Variants in SLC35A3 observed in about 807,000 individuals in gnomAD.
SLC35A3 encodes solute carrier family 35 member A3.
A neutral mutation model predicts 39.0 loss-of-function variants in SLC35A3; 26 were observed. That is an observed-to-expected ratio of 0.67 (90% CI 0.49 to 0.92). The LOEUF (loss-of-function observed/expected upper bound fraction) is 0.92, where lower values mean the gene tolerates loss of function less well. Among genes scored for constraint, SLC35A3 ranks in the 40% least tolerant of loss-of-function variants. The pLI, the probability that SLC35A3 is intolerant of heterozygous loss-of-function variation, is 0.00. For synonymous variants in SLC35A3, 135 were observed against 133.1 expected (o/e 1.01, Z -0.10); for missense variants, 299 against 371.6 (o/e 0.80, Z 1.61).
chr1:100,027,442 T>A lies in SLC35A3; in HGVS notation c.*4966T>A, dbSNP rs1351979974. On this transcript the variant is annotated 3_prime_UTR_variant, in exon 8 of 8. Transcript: ENST00000533028. The stretch of plus-strand genomic sequence containing the variant: ...ACTCTAGCCTGAGTGACAGTGAGAC[T>A]CTGTCTCAAAAAACAAACAAAACAA... 5.5e-6 allele frequency: 2 copies of A among 366,308 alleles called. No homozygotes were observed. Among genetic ancestry groups the A allele is most frequent in the African/African-American group, 2.1e-5 (1 of 48,030 alleles). The allele number at this position is 366,308 out of a possible 1,614,324, so 22.7% of individuals were successfully genotyped here.
At chr1:99,975,116 A>G (rs1343366508) in intron 1 of SLC35A3, 1 of 151,770 alleles carries the variant, frequency 6.6e-6, no homozygotes, top group Admixed American at 6.6e-5. Context: ...CTAATTTTTT[A>G]TTTTTTGTAG....
rs377227170 is a variant in SLC35A3 at position 99,970,776 on chromosome 1, T to G, written c.-19+614T>G. 41 of 630,918 alleles carry G rather than the reference T, an allele frequency of 6.5e-5. 1 individual carries two copies. In the Middle Eastern group the frequency reaches 1.8e-3, roughly 28 times the overall value. 39.1% of individuals were successfully genotyped at this position (630,918 alleles called of 1,614,324 possible). A position where few individuals can be genotyped will look rare whatever the true frequency, so the allele number is the denominator to read the frequency against. On this transcript the variant is annotated intron_variant, in intron 1 of 7. Transcript: ENST00000533028. ...TCTCTTAAATGCAGTATTTGAAAATTAAGTCTTTTCGTTTTTGAAATCAAC... is the reference window on the plus strand; with the variant it reads ...TCTCTTAAATGCAGTATTTGAAAATGAAGTCTTTTCGTTTTTGAAATCAAC...
chr1:100,011,419 G>A lies in SLC35A3; in HGVS notation c.520G>A (p.Val174Ile). ...SKELSAGSQFVGLMAVLTACF... is the reference protein window; with the variant it reads ...SKELSAGSQFIGLMAVLTACF... ...GGAACTTTCAGCTGGTTCTCAATTTGTAGGACTCATGGCAGTTCTCACAGC... is the reference window on the plus strand; with the variant it reads ...GGAACTTTCAGCTGGTTCTCAATTTATAGGACTCATGGCAGTTCTCACAGC... Residue 174 changes from valine to isoleucine, a missense_variant, in exon 5 of 8, where the codon GTA (valine) becomes ATA (isoleucine). By Grantham distance (29) the Val-to-Ile change is conservative (BLOSUM62 3). Transcript: ENST00000533028. 1 of 1,580,416 alleles carries A rather than the reference G, an allele frequency of 6.3e-7. No individual in the cohort carries two copies. The highest frequency in any genetic ancestry group is 8.6e-7 in the Non-Finnish European group (1 of 1,158,544).
intron 7 of SLC35A3, among the ~76,000 whole-genome samples, chr1:100,020,976 T>C (rs1488859406): frequency 6.6e-6 from 1 of 152,182 alleles, no homozygotes; most frequent in African/African-American, 2.4e-5. Flanking sequence ...TGATTAGTAA[T>C]TATTTTTCGT....
intron 1 of SLC35A3, chr1:99,970,602 C>T: frequency 3.9e-6 from 6 of 1,536,056 alleles, no homozygotes; most frequent in South Asian, 2.4e-5. Context: ...ACCTGGAGCT[C>T]AAGAAGCCGC....
At position 100,034,601 on chromosome 1, in the gene SLC35A3, C is replaced by T. The variant is rs190959548; in HGVS notation, c.*12125C>T. The stretch of plus-strand genomic sequence containing the variant: ...TTAAATGTGTAGGATCTTCTTCAAT[C>T]AGCAATAACAGGTGGCTCTATAGAA... On this transcript the variant is annotated 3_prime_UTR_variant, in exon 8 of 8. Coordinates refer to ENST00000533028, the MANE Select transcript of SLC35A3 (RefSeq NM_012243.3). 18 of 152,164 alleles carry T rather than the reference C, an allele frequency of 1.2e-4. No homozygotes were observed. The highest frequency in any genetic ancestry group is 4.3e-4 in the African/African-American group (18 of 41,508). The allele number at this position is 152,164 out of a possible 1,614,324, so 9.4% of individuals were successfully genotyped here.
rs1570635813 is a variant in SLC35A3, at chr1:100,024,463, A to G, written c.*1987A>G. On this transcript the variant is annotated 3_prime_UTR_variant, in exon 8 of 8. Coordinates refer to ENST00000533028, the MANE Select transcript of SLC35A3 (RefSeq NM_012243.3). ...CTACTCAGGAGGCTGAGGCAGGAGA[A>G]TTTCTTGAACACACCAGGTGGAAGT... 2 of 150,694 alleles carry G rather than the reference A, an allele frequency of 1.3e-5. No homozygotes were observed. The highest frequency in any genetic ancestry group is 2.1e-4 in the South Asian group (1 of 4,696). 9.3% of individuals were successfully genotyped at this position (150,694 alleles called of 1,614,324 possible). A position where few individuals can be genotyped will look rare whatever the true frequency, so the allele number is the denominator to read the frequency against.
chr1:99,987,611 A>G (rs1657824101), intron 1 of SLC35A3, among the ~76,000 whole-genome samples: 1 of 152,190 alleles, frequency 6.6e-6, no homozygotes, highest in Non-Finnish European at 1.5e-5. Flanking sequence ...TAACTATGGT[A>G]CTTAGCCTAA....
At chr1:99,991,874 G>A (rs922124496) in intron 1 of SLC35A3, among the ~76,000 whole-genome samples, 5 of 152,030 alleles carry the variant, frequency 3.3e-5, no homozygotes, top group South Asian at 4.1e-4. Flanking sequence ...TCAGCCTCAC[G>A]AGCAGATGGG....
chr1:99,971,745 C>CT lies in SLC35A3; in HGVS notation c.-19+1587dup, dbSNP rs1656826152. Among the ~76,000 whole-genome samples, 3 of 152,108 alleles carry CT rather than the reference C, an allele frequency of 2.0e-5. No individual in the cohort carries two copies. The East Asian group carries it at 5.8e-4, about 29-fold the overall frequency. On this transcript the variant is annotated intron_variant, in intron 1 of 7. Transcript: ENST00000533028. ...ATATGCCTGTCAGCCTTGGTGTTTGCTTTTATCATTTCTTCCTACAAAGAA... is the reference window on the plus strand; with the variant it reads ...ATATGCCTGTCAGCCTTGGTGTTTGCTTTTTATCATTTCTTCCTACAAAGAA...
intron 5 of SLC35A3, among the ~76,000 whole-genome samples, chr1:100,014,932 G>T (rs985210013): frequency 1.3e-5 from 2 of 152,122 alleles, no homozygotes; most frequent in Non-Finnish European, 2.9e-5. Flanking sequence ...GCCAAGGCAG[G>T]TGGATCATGA....
chr1:99,996,224 G>C (rs1005240040), intron 2 of SLC35A3, among the ~76,000 whole-genome samples: 2 of 152,090 alleles, frequency 1.3e-5, no homozygotes, highest in African/African-American at 4.8e-5. Flanking sequence ...ATAATTTAGG[G>C]TATATTGAAT....
At chr1:99,976,314 A>G (rs190029741) in intron 1 of SLC35A3, among the ~76,000 whole-genome samples, 1 of 152,320 alleles carries the variant, frequency 6.6e-6, no homozygotes, top group Admixed American at 6.5e-5. Context: ...AAGTGGTTGC[A>G]ATTTCATGTT....
At chr1:100,007,951 T>C (rs1659358748) in intron 4 of SLC35A3, 1 of 147,784 alleles carries the variant, frequency 6.8e-6, no homozygotes, top group Non-Finnish European at 1.5e-5. Flanking sequence ...TAAATAACTT[T>C]TTAATTTTTT....
rs903615514 is a variant in SLC35A3, at chr1:100,034,836, C to T, written c.*12360C>T. 1 of 152,188 alleles carries T rather than the reference C, an allele frequency of 6.6e-6. No homozygotes were observed. The highest frequency in any genetic ancestry group is 1.5e-5 in the Non-Finnish European group (1 of 68,040). The allele number at this position is 152,188 out of a possible 1,614,324, so 9.4% of individuals were successfully genotyped here. A position where few individuals can be genotyped will look rare whatever the true frequency, so the allele number is the denominator to read the frequency against. ...GGAATCCCACTCCCTTTCAAGGTGC[C>T]TCATGAACTGTTTTCATGAACTTTC... On this transcript the variant is annotated 3_prime_UTR_variant, in exon 8 of 8. Transcript: ENST00000533028.
intron 5 of SLC35A3, 90 bp from the exon 6 acceptor site, chr1:100,015,212 A>C (rs536409089): frequency 8.8e-7 from 1 of 1,142,108 alleles, no homozygotes; most frequent in Admixed American, 3.1e-5. Context: ...AGAAAAAGTT[A>C]AGTGTAAAAT....
At chr1:99,990,614 C>A (rs1254496913) in intron 1 of SLC35A3, among the ~76,000 whole-genome samples, 1 of 152,046 alleles carries the variant, frequency 6.6e-6, no homozygotes, top group African/African-American at 2.4e-5. Flanking sequence ...CTCATTATTC[C>A]AGTCCAGAAC....
intron 1 of SLC35A3, among the ~76,000 whole-genome samples, chr1:99,977,660 G>A (rs1229752829): frequency 6.6e-6 from 1 of 152,112 alleles, no homozygotes; most frequent in East Asian, 1.9e-4. Flanking sequence ...AGCTTCTCGA[G>A]TAGCTGGGAG....
rs1336133747 is a variant in SLC35A3, at chr1:99,993,136, C to CTAT, written c.-18-400_-18-398dup. The CTAT allele has an allele frequency of 9.1e-5, 14 of 154,056 alleles. No individual in the cohort carries two copies. The Admixed American group carries it at 9.1e-4, about 10-fold the overall frequency. 9.5% of individuals were successfully genotyped at this position (154,056 alleles called of 1,614,324 possible). ...TGGGGCTTTTGTTGTTGTTTTTGTT[C>CTAT]TATGCCTTTGAGCAGTTTCAGGTTT... On this transcript the variant is annotated intron_variant, in intron 1 of 7. Transcript: ENST00000533028.
Sources: gnomAD v4.1 joint callset for allele counts (sites outside exome capture counted in the v4.1 genomes callset) on GRCh38, gnomAD v4.1.1 for gene constraint, MANE v1.5 for transcripts, NCBI Gene and HGNC (gene_info 2026-07-23, HGNC 2026-07-21) for gene names.